SF3B1: variants seen among roughly 807,000 people sequenced by gnomAD.
SF3B1 encodes splicing factor 3b subunit 1, also known as pre-mRNA processing 10.
A neutral mutation model predicts 153.8 loss-of-function variants in SF3B1; 12 were observed. That is an observed-to-expected ratio of 0.08 (90% confidence interval 0.05 to 0.13). The LOEUF is 0.13. SF3B1 is among the 10% of genes least tolerant of loss of function. The pLI is 1.00. For synonymous variants in SF3B1, 498 were observed against 525.2 expected, an observed-to-expected ratio of 0.95 and a Z score of 0.71; for missense variants, 513 against 1,606.1, an observed-to-expected ratio of 0.32 and a Z score of 11.63.
chr2:197,434,933 G>A (rs1260795863), intron 1 of SF3B1, 39 bp downstream of exon 1: 2 of 1,596,848 alleles, frequency 1.3e-6, no homozygotes, highest in Non-Finnish European at 1.7e-6. Flanking sequence ...TATTAGGCTA[G>A]CAACGAAGAA....
chr2:197,398,132 C>T lies in SF3B1; in HGVS notation c.3135-16G>A. 3 of 1,585,544 alleles carry T rather than the reference C, an allele frequency of 1.9e-6. No individual in the cohort carries two copies. The highest frequency in any genetic ancestry group is 2.6e-6 in the Non-Finnish European group (3 of 1,160,732). ...TTCAGCTCCCCTAATTTAAAAAATA[C>T]ACATATTAATTATTGTGACATTAAG... is the stretch of plus-strand genomic sequence containing the variant. On this transcript the variant is annotated splice_polypyrimidine_tract_variant and intron_variant, in intron 21 of 24. Coordinates refer to ENST00000335508, the MANE Select transcript of SF3B1 (RefSeq NM_012433.4).
At position 197,395,966 on chromosome 2, in the gene SF3B1, A is replaced by G. The variant is rs904191633; in HGVS notation, c.3539+90T>C. The G allele has an allele frequency of 2.6e-6, 3 of 1,152,496 alleles. No individual in the cohort carries two copies. The East Asian group carries it at 7.1e-5, about 27-fold the overall frequency. 71.4% of individuals were successfully genotyped at this position (1,152,496 alleles called of 1,614,324 possible). On this transcript the variant is annotated intron_variant, in intron 23 of 24. Coordinates refer to ENST00000335508, the MANE Select transcript of SF3B1 (RefSeq NM_012433.4). ...GCAATTTTTTCTTTAACTATGTTAC[A>G]GTAAAAAGTCATCTAATAACTATTT... is the stretch of plus-strand genomic sequence containing the variant.
rs140246244 is a variant in SF3B1, at chr2:197,433,316, T to C, written c.28+1656A>G. Among the ~76,000 whole-genome samples, 103 of 152,338 alleles carry C rather than the reference T, an allele frequency of 6.8e-4. 4 individuals carry two copies. In the East Asian group the frequency reaches 0.018, roughly 27 times the overall value. On this transcript the variant is annotated intron_variant, in intron 1 of 24. Coordinates refer to ENST00000335508, the MANE Select transcript of SF3B1 (RefSeq NM_012433.4). ...AACAAGTTTGGCCAATGAATAGCAATAGACCAAAGTTTTTAGCTGGGTTTC... is the reference window on the plus strand; with the variant it reads ...AACAAGTTTGGCCAATGAATAGCAACAGACCAAAGTTTTTAGCTGGGTTTC...
At chr2:197,398,237 C>A in intron 21 of SF3B1, 121 bp from the exon 22 acceptor site, 1 of 926,482 alleles carries the variant, frequency 1.1e-6, no homozygotes, top group Admixed American at 2.2e-5. Flanking sequence ...AAACTTACTA[C>A]TCTTCAGAAA....
At chr2:197,396,599 A>G (rs760003475) in intron 22 of SF3B1, among the ~76,000 whole-genome samples, 4 of 152,350 alleles carry the variant, frequency 2.6e-5, no homozygotes, top group Admixed American at 1.3e-4. Context: ...CTCAATTTTC[A>G]AATGTAATTT....
intron 1 of SF3B1, among the ~76,000 whole-genome samples, chr2:197,432,077 T>A (rs1391962721): frequency 2.0e-5 from 3 of 152,158 alleles, no homozygotes; most frequent in Non-Finnish European, 4.4e-5. Context: ...TGAGCTATGA[T>A]CACGCCACTG....
At chr2:197,404,644 T>G (rs1471407066) in intron 11 of SF3B1, 1 of 152,186 alleles carries the variant, frequency 6.6e-6, no homozygotes, top group Non-Finnish European at 1.5e-5. Context: ...CTACATAAAT[T>G]TTTTCCCCTC....
chr2:197,431,101 CTTCT>C (rs1559281529), intron 1 of SF3B1, among the ~76,000 whole-genome samples: 6 of 121,482 alleles, frequency 4.9e-5, no homozygotes, highest in African/African-American at 1.3e-4. Context: ...TGTGCCTTTT[CTTCT>C]TTTTTTTTTT....
intron 4 of SF3B1, chr2:197,418,911 T>C: frequency 6.3e-7 from 1 of 1,598,430 alleles, no homozygotes; most frequent in Non-Finnish European, 8.5e-7. Flanking sequence ...CGTGCCTTTG[T>C]CTCCATCAGC....
rs909651879 is a variant in SF3B1 at position 197,402,285 on chromosome 2, T to A, written c.2078-155A>T. On this transcript the variant is annotated intron_variant, in intron 14 of 24. Coordinates refer to ENST00000335508, the MANE Select transcript of SF3B1 (RefSeq NM_012433.4). This position sits in a 1 kb window ranked among gnomAD's most constrained non-coding sequence, Gnocchi z 4.6. ...TAAAAGCAAAACATGAACCATAGCC[T>A]GTCAGCAGATAATATAACAAACCCA... 5 of 810,040 alleles carry A rather than the reference T, an allele frequency of 6.2e-6. No individual in the cohort carries two copies. Among genetic ancestry groups the A allele is most frequent in the African/African-American group, 1.7e-5 (1 of 57,516 alleles). The allele number at this position is 810,040 out of a possible 1,614,324, so 50.2% of individuals were successfully genotyped here.
At chr2:197,420,350 CA>C in intron 4 of SF3B1, 77 bp downstream of exon 4, 87 of 1,079,276 alleles carry the variant, frequency 8.1e-5, no homozygotes, top group Non-Finnish European at 9.7e-5. Flanking sequence ...AGAAGCATGC[CA>C]AAAAAAATCA....
chr2:197,422,424 G>A (rs1339527013), intron 2 of SF3B1, among the ~76,000 whole-genome samples: 1 of 151,558 alleles, frequency 6.6e-6, no homozygotes, highest in Admixed American at 6.6e-5. Flanking sequence ...GGGTAGGGGG[G>A]AGGGATAGCA....
At chr2:197,414,465 G>C (rs2106002114) in intron 6 of SF3B1, among the ~76,000 whole-genome samples, 1 of 152,300 alleles carries the variant, frequency 6.6e-6, no homozygotes, top group African/African-American at 2.4e-5. Context: ...AGGAGTAGTA[G>C]CCACTGAGAT....
Position 197,396,325 on chromosome 2 carries a change from A to AG in SF3B1, c.3269dup (p.His1091SerfsTer2). 1 of 1,606,472 alleles carries AG rather than the reference A, an allele frequency of 6.2e-7. No individual in the cohort carries two copies. The highest frequency in any genetic ancestry group is 8.5e-7 in the Non-Finnish European group (1 of 1,175,058). On this transcript the variant is annotated frameshift_variant, in exon 23 of 25. Transcript: ENST00000335508. LOFTEE classifies it high-confidence loss of function. ...TCAGAAGTGTAGCCAATACATCATG[A>AG]GGGCTGAAAAAAACAAATGGGTCAA...
At chr2:197,425,113 G>A (rs1415261464) in intron 1 of SF3B1, among the ~76,000 whole-genome samples, 1 of 152,068 alleles carries the variant, frequency 6.6e-6, no homozygotes, top group African/African-American at 2.4e-5. Context: ...CCGAGATCAC[G>A]TGCCACTGCA....
In SF3B1 at chr2:197,401,671, A is replaced by T. The variant is rs2105983915; in HGVS notation, c.2370+71T>A. 1 of 1,525,932 alleles carries T rather than the reference A, an allele frequency of 6.6e-7. No homozygotes were observed. Among genetic ancestry groups the T allele is most frequent in the Admixed American group, 2.1e-5 (1 of 46,890 alleles). 94.5% of individuals were successfully genotyped at this position (1,525,932 alleles called of 1,614,324 possible). On this transcript the variant is annotated intron_variant, in intron 16 of 24. Coordinates refer to ENST00000335508, the MANE Select transcript of SF3B1 (RefSeq NM_012433.4). This position sits in a 1 kb window ranked among gnomAD's most constrained non-coding sequence, Gnocchi z 4.2. ...CATACAGTTTTTTTTGTTGATTTTTAAAAACACTTTAAAATTCTGTTAGAA... is the reference window on the plus strand; with the variant it reads ...CATACAGTTTTTTTTGTTGATTTTTTAAAACACTTTAAAATTCTGTTAGAA...
chr2:197,417,978 G>C (rs1274085870), intron 5 of SF3B1, among the ~76,000 whole-genome samples: 1 of 151,756 alleles, frequency 6.6e-6, no homozygotes. Context: ...GCTCACACCT[G>C]TAATCCCAGC....
At position 197,434,991 on chromosome 2, in the gene SF3B1, C is replaced by A. The variant is rs1417266098; in HGVS notation, c.9G>T (p.Lys3Asn). 6.2e-7 allele frequency: 1 copy of A among 1,614,264 alleles called. No homozygotes were observed. The highest frequency in any genetic ancestry group is 8.5e-7 in the Non-Finnish European group (1 of 1,180,018). MA[K>N]IAKTHEDIEA... is the part of the protein sequence containing the mutation. ...GCTTACCTTCGTGAGTCTTGGCGAT[C>A]TTCGCCATTTTGTCCACTCGAACAC... Residue 3 changes from lysine to asparagine, a missense_variant, in exon 1 of 25, where the codon AAG (lysine) becomes AAT (asparagine). Transcript: ENST00000335508.
chr2:197,429,326 T>C (rs1032591693), intron 1 of SF3B1, among the ~76,000 whole-genome samples: 5 of 152,258 alleles, frequency 3.3e-5, no homozygotes, highest in Non-Finnish European at 5.9e-5. Flanking sequence ...CACACTGTTG[T>C]GCACATCAAT....
Sources: gnomAD v4.1 joint callset for allele counts (sites outside exome capture counted in the v4.1 genomes callset) on GRCh38, gnomAD v4.1.1 for gene constraint, Gnocchi (gnomAD v3.1) non-coding constraint, MANE v1.5 for transcripts, NCBI Gene and HGNC (gene_info 2026-07-23, HGNC 2026-07-21) for gene names.